SLC25A12: variants seen among roughly 807,000 people sequenced by gnomAD.
SLC25A12 encodes the protein solute carrier family 25 member 12.
In SLC25A12, 32 loss-of-function variants were observed where a neutral mutation model predicts 83.3. The observed-to-expected ratio is 0.38, with a 90% CI of 0.29 to 0.52. The LOEUF (loss-of-function observed/expected upper bound fraction) is 0.52. SLC25A12 is among the 20% of genes least tolerant of loss of function. The pLI, the probability that SLC25A12 is intolerant of heterozygous loss-of-function variation, is 0.84. For synonymous variants in SLC25A12, 267 were observed against 291.1 expected (o/e 0.92, Z 0.84); for missense variants, 611 against 835.6 (o/e 0.73, Z 3.31).
chr2:171,794,643 T>C (rs942852203), intron 13 of SLC25A12, among the ~76,000 whole-genome samples: 1 of 151,890 alleles, frequency 6.6e-6, no homozygotes, highest in Non-Finnish European at 1.5e-5. Flanking sequence ...TTTTGGTTTC[T>C]GTAAGAAAGA....
At chr2:171,788,133 G>C (rs1690524041) in intron 15 of SLC25A12, 186 bp from the exon 16 acceptor site, 1 of 582,326 alleles carries the variant, frequency 1.7e-6, no homozygotes, top group Non-Finnish European at 3.0e-6. Flanking sequence ...TGTGATCAGG[G>C]GAAAATTATT....
At chr2:171,838,742 T>C (rs1229394564) in intron 5 of SLC25A12, among the ~76,000 whole-genome samples, 2 of 152,188 alleles carry the variant, frequency 1.3e-5, no homozygotes, top group Non-Finnish European at 2.9e-5. Flanking sequence ...CTTTTAAAGA[T>C]ACGTATTTGA....
intron 3 of SLC25A12, among the ~76,000 whole-genome samples, chr2:171,867,417 G>A (rs1214096810): frequency 6.6e-6 from 1 of 152,180 alleles, no homozygotes; most frequent in Non-Finnish European, 1.5e-5. Flanking sequence ...GATCACTCGC[G>A]GTTAGGAGCT....
intron 9 of SLC25A12, among the ~76,000 whole-genome samples, chr2:171,825,535 T>C (rs928213756): frequency 1.3e-5 from 2 of 152,204 alleles, no homozygotes; most frequent in African/African-American, 4.8e-5. Flanking sequence ...AGAGCAGACA[T>C]AGCCTCTTTC....
At chr2:171,838,497 T>C (rs1365602647) in intron 5 of SLC25A12, among the ~76,000 whole-genome samples, 1 of 152,250 alleles carries the variant, frequency 6.6e-6, no homozygotes, top group African/African-American at 2.4e-5. Flanking sequence ...TTTTCTTTCC[T>C]TCTACCTCTT....
At chr2:171,791,878 C>A (rs1683468779) in intron 14 of SLC25A12, among the ~76,000 whole-genome samples, 1 of 152,140 alleles carries the variant, frequency 6.6e-6, no homozygotes, top group Non-Finnish European at 1.5e-5. Context: ...TAAGAACTTT[C>A]TGGCATTTCT....
chr2:171,893,999 A>G (rs1456024626), intron 1 of SLC25A12, among the ~76,000 whole-genome samples: 1 of 151,358 alleles, frequency 6.6e-6, no homozygotes, highest in Non-Finnish European at 1.5e-5. Flanking sequence ...TCAACTCACA[A>G]TCCCTCCTCC....
intron 2 of SLC25A12, among the ~76,000 whole-genome samples, chr2:171,869,968 C>CT (rs531011840): frequency 1.2e-4 from 18 of 152,052 alleles, no homozygotes; most frequent in Non-Finnish European, 2.2e-4. Context: ...AACAGTCCTG[C>CT]TTTTTTTTCC....
intron 13 of SLC25A12, 138 bp from the exon 14 acceptor site, chr2:171,793,905 T>C (rs1683542038): frequency 4.2e-6 from 4 of 953,486 alleles, no homozygotes; most frequent in Non-Finnish European, 1.6e-6. Flanking sequence ...CAGGGGGGAA[T>C]GACAGTTTGA....
intron 9 of SLC25A12, among the ~76,000 whole-genome samples, chr2:171,817,205 T>C (rs1486450517): frequency 1.3e-5 from 2 of 152,150 alleles, no homozygotes; most frequent in Non-Finnish European, 2.9e-5. Flanking sequence ...TGGTAATTTG[T>C]AATAGGAGTC....
intron 14 of SLC25A12, among the ~76,000 whole-genome samples, chr2:171,793,372 T>G (rs1231769575): frequency 6.6e-6 from 1 of 152,164 alleles, no homozygotes; most frequent in Admixed American, 6.5e-5. Flanking sequence ...TGAAAGGCTG[T>G]GAGCCTGAGG....
intron 17 of SLC25A12, among the ~76,000 whole-genome samples, chr2:171,787,119 T>G (rs1260524923): frequency 6.6e-6 from 1 of 152,078 alleles, no homozygotes; most frequent in Non-Finnish European, 1.5e-5. Flanking sequence ...GCTGGTGGAG[T>G]TCGAGACCAG....
intron 2 of SLC25A12, among the ~76,000 whole-genome samples, chr2:171,885,585 T>G (rs1370943060): frequency 6.6e-6 from 1 of 152,038 alleles, no homozygotes; most frequent in Non-Finnish European, 1.5e-5. Flanking sequence ...GGCATGAGAA[T>G]TGCTTGAACC....
At position 171,809,563 on chromosome 2, in the gene SLC25A12, C is replaced by T. The variant is rs372608741; in HGVS notation, c.1305+43G>A. The stretch of plus-strand genomic sequence containing the variant: ...TATTATATCTGTGCAAAAAGGTCAA[C>T]GGAATGTATTTGTCACAAGAAGCGC... On this transcript the variant is annotated intron_variant, in intron 13 of 17. Coordinates refer to ENST00000422440, the MANE Select transcript of SLC25A12 (RefSeq NM_003705.5). The T allele has an allele frequency of 1.4e-4, 196 of 1,439,344 alleles. 1 individual carries two copies. The highest frequency in any genetic ancestry group is 1.2e-4 in the Admixed American group (7 of 59,736). The allele number at this position is 1,439,344 out of a possible 1,614,324, so 89.2% of individuals were successfully genotyped here.
At chr2:171,837,092 G>C (rs748241556) in intron 6 of SLC25A12, 29 bp downstream of exon 6, 1 of 1,612,040 alleles carries the variant, frequency 6.2e-7, no homozygotes, top group Non-Finnish European at 8.5e-7. Flanking sequence ...TGAGGAAATA[G>C]AAAGTTAAAG....
At chr2:171,800,810 G>C (rs909272624) in intron 13 of SLC25A12, among the ~76,000 whole-genome samples, 2 of 152,288 alleles carry the variant, frequency 1.3e-5, no homozygotes, top group East Asian at 3.9e-4. Context: ...ACCCACACAA[G>C]GATGACTCTC....
chr2:171,832,462 T>G (rs1324726533), intron 8 of SLC25A12, among the ~76,000 whole-genome samples: 1 of 152,214 alleles, frequency 6.6e-6, no homozygotes, highest in Non-Finnish European at 1.5e-5. Context: ...ACAAAGATCC[T>G]TTCTCCTGTG....
At chr2:171,876,548 G>C (rs868326568) in intron 2 of SLC25A12, among the ~76,000 whole-genome samples, 1 of 143,544 alleles carries the variant, frequency 7.0e-6, no homozygotes, top group South Asian at 2.3e-4. Flanking sequence ...TTTTTTGGGG[G>C]GGGGGGGACT....
intron 13 of SLC25A12, among the ~76,000 whole-genome samples, chr2:171,799,875 G>A (rs899441881): frequency 1.3e-5 from 2 of 152,174 alleles, no homozygotes; most frequent in Non-Finnish European, 2.9e-5. Context: ...TGAGTAATAA[G>A]TTTTGAGTTT....
Sources: gnomAD v4.1 joint callset for allele counts (sites outside exome capture counted in the v4.1 genomes callset) on GRCh38, gnomAD v4.1.1 for gene constraint, MANE v1.5 for transcripts, NCBI Gene and HGNC (gene_info 2026-07-23, HGNC 2026-07-21) for gene names.